The following MTUS2 variants were observed in gnomAD, a reference collection of about 807,000 sequenced individuals.
The protein encoded by MTUS2 is microtubule-associated tumor suppressor candidate 2.
Under a neutral mutation model 114.1 loss-of-function variants are expected in MTUS2, and 40 were observed. That is an observed-to-expected ratio of 0.35 (90% confidence interval 0.27 to 0.46). The LOEUF (loss-of-function observed/expected upper bound fraction) is 0.46, where lower values mean the gene tolerates loss of function less well. Ranked by LOEUF, MTUS2 falls within the 20% of genes least tolerant of loss-of-function variation. The pLI is 1.00. For missense variants in MTUS2, 1,679 were observed against 1,705.4 expected, an observed-to-expected ratio of 0.98 and a Z score of 0.27; for synonymous variants, 688 against 672.0, an observed-to-expected ratio of 1.02 and a Z score of -0.37.
At chr13:29,338,693 G>A (rs1221047104) in intron 7 of MTUS2, among the ~76,000 whole-genome samples, 2 of 152,106 alleles carry the variant, frequency 1.3e-5, no homozygotes, top group Non-Finnish European at 2.9e-5. Context: ...TATAGTGTGA[G>A]GTGTGGCTTG....
intron 2 of MTUS2, among the ~76,000 whole-genome samples, chr13:28,870,134 A>G (rs192285785): frequency 3.2e-4 from 48 of 152,312 alleles, no homozygotes; most frequent in Non-Finnish European, 2.2e-4. Flanking sequence ...GGAACACTCA[A>G]TATCCTCCTA....
At chr13:29,465,424 A>G (rs1879817968) in intron 9 of MTUS2, among the ~76,000 whole-genome samples, 1 of 152,170 alleles carries the variant, frequency 6.6e-6, no homozygotes, top group Non-Finnish European at 1.5e-5. Context: ...GCTCTTAGAC[A>G]CTTGTGCTTT....
chr13:29,400,722 G>A (rs573987705), intron 8 of MTUS2, among the ~76,000 whole-genome samples: 4 of 152,114 alleles, frequency 2.6e-5, no homozygotes, highest in African/African-American at 7.2e-5. Context: ...CAGGAAATAC[G>A]CTTAGGAGTT....
At chr13:28,847,104 G>A (rs1001914751) in intron 2 of MTUS2, among the ~76,000 whole-genome samples, 3 of 152,168 alleles carry the variant, frequency 2.0e-5, no homozygotes, top group Non-Finnish European at 4.4e-5. Flanking sequence ...TCCTCGTCAG[G>A]TTCCTGCTGA....
In MTUS2 at chr13:29,017,812, A is replaced by T. The variant is rs534882957; in HGVS notation, c.-242-6645A>T. On this transcript the variant is annotated intron_variant, in intron 2 of 15. Transcript: ENST00000612955. ...ACTATGTGCAAAGTGCTGTCCCAGAAATTACATAGCAAACAGAAGTGCCTG... is the reference window on the plus strand; with the variant it reads ...ACTATGTGCAAAGTGCTGTCCCAGATATTACATAGCAAACAGAAGTGCCTG... 4.6e-5 allele frequency among the ~76,000 whole-genome samples: 7 copies of T among 152,322 alleles called. No individual in the cohort carries two copies. In the South Asian group the frequency reaches 1.4e-3, roughly 32 times the overall value.
chr13:28,854,157 A>G (rs1167953318), intron 2 of MTUS2, among the ~76,000 whole-genome samples: 2 of 152,120 alleles, frequency 1.3e-5, no homozygotes, highest in Non-Finnish European at 2.9e-5. Context: ...CTTACCCTAG[A>G]CCTCTGGAAT....
intron 2 of MTUS2, among the ~76,000 whole-genome samples, chr13:28,953,245 A>C (rs1170048354): frequency 6.6e-6 from 1 of 150,908 alleles, no homozygotes; most frequent in Admixed American, 6.6e-5. Flanking sequence ...GCAGTGTCTC[A>C]TGCCTGTAAT....
intron 4 of MTUS2, among the ~76,000 whole-genome samples, chr13:29,076,176 T>C (rs1488265124): frequency 6.6e-6 from 1 of 152,224 alleles, no homozygotes; most frequent in East Asian, 1.9e-4. Context: ...TCATAAAGCT[T>C]CTTCTGGAAG....
chr13:29,380,072 C>T (rs1020459307), intron 8 of MTUS2, among the ~76,000 whole-genome samples: 2 of 152,154 alleles, frequency 1.3e-5, no homozygotes, highest in African/African-American at 2.4e-5. Flanking sequence ...AATTGGAGCT[C>T]ATTGCACAGC....
chr13:29,463,599 T>A lies in MTUS2; in HGVS notation c.3185-16551T>A, dbSNP rs1040499296. 2.6e-3 allele frequency among the ~76,000 whole-genome samples: 391 copies of A among 151,864 alleles called. 5 individuals are homozygous for A. Among genetic ancestry groups the A allele is most frequent in the African/African-American group, 9.1e-3 (375 of 41,418 alleles). Reference sequence around the variant, plus strand: ...CCAGAGCTAGGTGACTTGCCCTAGGTCACAGCCACCGAAGACCAGAGGTAG... The same window carrying A: ...CCAGAGCTAGGTGACTTGCCCTAGGACACAGCCACCGAAGACCAGAGGTAG... On this transcript the variant is annotated intron_variant, in intron 9 of 15. Coordinates refer to ENST00000612955, the MANE Select transcript of MTUS2 (RefSeq NM_001033602.4).
chr13:29,283,295 C>T (rs1021594882), intron 6 of MTUS2, among the ~76,000 whole-genome samples: 1 of 152,174 alleles, frequency 6.6e-6, no homozygotes, highest in African/African-American at 2.4e-5. Context: ...TTTTGTTCTT[C>T]CTCAGGGGAA....
At chr13:29,407,091 A>G (rs542978241) in intron 8 of MTUS2, among the ~76,000 whole-genome samples, 2 of 152,218 alleles carry the variant, frequency 1.3e-5, no homozygotes, top group African/African-American at 2.4e-5. Flanking sequence ...CTAAAAATAC[A>G]AAAAATTAGC....
chr13:29,169,327 G>A (rs1449730584), intron 5 of MTUS2, among the ~76,000 whole-genome samples: 1 of 152,142 alleles, frequency 6.6e-6, no homozygotes, highest in African/African-American at 2.4e-5. Flanking sequence ...TATGATTTAT[G>A]CGTAGGTAAG....
chr13:28,835,979 G>T, intron 1 of MTUS2, among the ~76,000 whole-genome samples: 1 of 152,110 alleles, frequency 6.6e-6, no homozygotes, highest in East Asian at 1.9e-4. Flanking sequence ...ATTCGGAAAG[G>T]CTAAATTATG....
intron 4 of MTUS2, among the ~76,000 whole-genome samples, chr13:29,045,354 T>C (rs142791204): frequency 1.4e-3 from 207 of 152,258 alleles, no homozygotes; most frequent in African/African-American, 4.7e-3. Flanking sequence ...GGGGGAGAGA[T>C]AGATTATTGC....
intron 9 of MTUS2, among the ~76,000 whole-genome samples, chr13:29,467,480 A>T (rs1325834522): frequency 6.6e-6 from 1 of 152,186 alleles, no homozygotes; most frequent in African/African-American, 2.4e-5. Context: ...AGTGTATTAT[A>T]TGAACCGGTG....
intron 10 of MTUS2, among the ~76,000 whole-genome samples, chr13:29,481,012 A>G (rs931802152): frequency 6.6e-6 from 1 of 152,180 alleles, no homozygotes; most frequent in Non-Finnish European, 1.5e-5. Context: ...AGAGCTGGCC[A>G]TGGAAAAGCC....
intron 5 of MTUS2, among the ~76,000 whole-genome samples, chr13:29,238,874 G>T (rs890110072): frequency 6.6e-6 from 1 of 152,122 alleles, no homozygotes; most frequent in Non-Finnish European, 1.5e-5. Flanking sequence ...AATGCTGTAT[G>T]ATTTCACTTA....
At chr13:28,867,198 G>C (rs530494928) in intron 2 of MTUS2, among the ~76,000 whole-genome samples, 1 of 152,320 alleles carries the variant, frequency 6.6e-6, no homozygotes, top group African/African-American at 2.4e-5. Context: ...GGAAGGACCT[G>C]TGCTCTTTAA....
Sources: gnomAD v4.1 joint callset for allele counts (sites outside exome capture counted in the v4.1 genomes callset) on GRCh38, gnomAD v4.1.1 for gene constraint, MANE v1.5 for transcripts, NCBI Gene and HGNC (gene_info 2026-07-23, HGNC 2026-07-21) for gene names.